Variants in COLEC10 observed in about 807,000 individuals in gnomAD.
COLEC10 encodes the protein collectin subfamily member 10.
COLEC10 carries 22 observed loss-of-function variants against 28.4 expected under a neutral mutation model. The observed-to-expected ratio is 0.78, with a 90% confidence interval of 0.55 to 1.11. The LOEUF (loss-of-function observed/expected upper bound fraction) is 1.11, where lower values mean the gene tolerates loss of function less well. COLEC10 is among the 50% of genes least tolerant of loss of function. The pLI is 0.00. For synonymous variants in COLEC10, 125 were observed against 116.1 expected (o/e 1.08, Z -0.49); for missense variants, 361 against 344.1 (o/e 1.05, Z -0.39).
the COLEC10 span, among the ~76,000 whole-genome samples, chr8:118,961,965 C>T: frequency 6.6e-6 from 1 of 152,162 alleles, no homozygotes; most frequent in Non-Finnish European, 1.5e-5. Context: ...AGCTCATGTT[C>T]TCCAAGGCCT....
chr8:118,987,707 A>G, the COLEC10 span, among the ~76,000 whole-genome samples: 2 of 152,178 alleles, frequency 1.3e-5, no homozygotes. Flanking sequence ...ATTCATGTGA[A>G]TGGCAGAATA....
At chr8:118,977,985 G>C in the COLEC10 span, among the ~76,000 whole-genome samples, 7 of 151,746 alleles carry the variant, frequency 4.6e-5, no homozygotes, top group African/African-American at 1.5e-4. Flanking sequence ...AGCCCCAGTC[G>C]CTAGTTAGGG....
At chr8:119,023,898 G>T (rs1301311776) in intron 2 of COLEC10, among the ~76,000 whole-genome samples, 2 of 151,278 alleles carry the variant, frequency 1.3e-5, no homozygotes, top group Admixed American at 6.6e-5. Flanking sequence ...AGGGTGCATG[G>T]TAGTCCTGTA....
the COLEC10 span, among the ~76,000 whole-genome samples, chr8:118,973,299 G>A: frequency 1.7e-4 from 26 of 152,084 alleles, no homozygotes; most frequent in East Asian, 5.0e-3. Context: ...TATGGGTCAG[G>A]AGTCTTGGCA....
intron 2 of COLEC10, among the ~76,000 whole-genome samples, chr8:119,061,438 T>C (rs1814853427): frequency 7.7e-6 from 1 of 130,710 alleles, no homozygotes; most frequent in South Asian, 2.5e-4. Flanking sequence ...GAATAGCTGG[T>C]ATTGAAAAAA....
intron 4 of COLEC10, chr8:119,102,633 G>A (rs1322052207): frequency 2.4e-6 from 1 of 423,542 alleles, no homozygotes; most frequent in African/African-American, 2.1e-5. Context: ...CTTACTATGA[G>A]AAGAAAGCCC....
At chr8:118,995,880 T>TA (rs1554622059) in intron 1 of COLEC10, among the ~76,000 whole-genome samples, 3 of 151,684 alleles carry the variant, frequency 2.0e-5, no homozygotes, top group South Asian at 2.1e-4. Context: ...CTGTTTTTTT[T>TA]AATTGTGGTA....
At chr8:119,037,604 G>C (rs1814412375) in intron 2 of COLEC10, among the ~76,000 whole-genome samples, 1 of 152,150 alleles carries the variant, frequency 6.6e-6, no homozygotes, top group African/African-American at 2.4e-5. Flanking sequence ...TCAGTCTCAG[G>C]TATGTGAGTT....
At chr8:118,971,381 T>A in the COLEC10 span, among the ~76,000 whole-genome samples, 2 of 151,960 alleles carry the variant, frequency 1.3e-5, no homozygotes, top group Non-Finnish European at 2.9e-5. Context: ...CATATCATCT[T>A]AGTTTTTGGA....
intron 4 of COLEC10, 143 bp from the exon 5 acceptor site, chr8:119,103,657 A>G: frequency 1.9e-6 from 1 of 539,950 alleles, no homozygotes; most frequent in Non-Finnish European, 3.3e-6. Context: ...CTTATTTTAA[A>G]TAAAAGATTT....
chr8:119,029,110 G>C (rs1411451134), intron 2 of COLEC10, among the ~76,000 whole-genome samples: 1 of 152,276 alleles, frequency 6.6e-6, no homozygotes, highest in East Asian at 1.9e-4. Context: ...TAGCTGCGGG[G>C]AGTCATGCCA....
At chr8:119,067,522 C>A (rs768504809) in intron 1 of COLEC10, 93 bp downstream of exon 1, 8 of 1,176,330 alleles carry the variant, frequency 6.8e-6, no homozygotes, top group Non-Finnish European at 9.6e-6. Context: ...ACTTTCTCTT[C>A]TCTCCTCCCT....
chr8:118,982,914 T>C, the COLEC10 span: 1 of 152,214 alleles, frequency 6.6e-6, no homozygotes, highest in East Asian at 1.9e-4. Flanking sequence ...CTCTTGGAGC[T>C]GTGGATCTCA....
intron 5 of COLEC10, 79 bp from the exon 6 acceptor site, chr8:119,105,721 A>T: frequency 3.3e-6 from 4 of 1,226,024 alleles, no homozygotes; most frequent in Non-Finnish European, 4.5e-6. Context: ...AATAAATGTA[A>T]ATCTGGCAAT....
chr8:119,081,491 T>G (rs1435835715), intron 1 of COLEC10, among the ~76,000 whole-genome samples: 4 of 152,338 alleles, frequency 2.6e-5, no homozygotes, highest in Admixed American at 2.0e-4. Context: ...TCTCTTTGAA[T>G]TTCTCATATG....
intron 2 of COLEC10, among the ~76,000 whole-genome samples, chr8:119,013,870 A>C (rs988523212): frequency 6.6e-6 from 1 of 150,842 alleles, no homozygotes; most frequent in Admixed American, 6.6e-5. Flanking sequence ...TTATGCCTAA[A>C]GTTTGTAATG....
intron 3 of COLEC10, among the ~76,000 whole-genome samples, chr8:119,101,635 A>G (rs923812846): frequency 3.9e-5 from 6 of 152,186 alleles, no homozygotes; most frequent in East Asian, 3.9e-4. Flanking sequence ...TAGTATTTGC[A>G]TACATCACTT....
rs995727030 is a variant in COLEC10, at chr8:119,014,113, GA to G, written n.235+4562del. Among the ~76,000 whole-genome samples, 64 of 150,622 alleles carry G rather than the reference GA, an allele frequency of 4.2e-4. 2 individuals are homozygous for G. The highest frequency in any genetic ancestry group is 1.6e-3 in the African/African-American group (63 of 40,282). ...GACTGTTATCCATAAGATCAATTAA[GA>G]ATAAGAAAAATTAAAGTTTATGTTT... On this transcript the variant is annotated intron_variant and non_coding_transcript_variant, in intron 2 of 6. Transcript: ENST00000521788.
chr8:118,985,852 G>A, the COLEC10 span, among the ~76,000 whole-genome samples: 6 of 152,154 alleles, frequency 3.9e-5, no homozygotes, highest in Non-Finnish European at 7.4e-5. Context: ...AGATTGTCAG[G>A]TAAGGGCCCT....
Sources: gnomAD v4.1 joint callset for allele counts (sites outside exome capture counted in the v4.1 genomes callset) on GRCh38, gnomAD v4.1.1 for gene constraint, MANE v1.5 for transcripts, NCBI Gene and HGNC (gene_info 2026-07-23, HGNC 2026-07-21) for gene names.